The following CIPC variants were observed in gnomAD, a reference collection of about 807,000 sequenced individuals.
CIPC encodes CLOCK-interacting pacemaker.
CIPC carries 12 observed loss-of-function variants against 26.7 expected under a neutral mutation model. That is an observed-to-expected ratio of 0.45 (90% CI 0.29 to 0.73). CIPC has a LOEUF of 0.73. CIPC is among the 30% of genes least tolerant of loss of function. The pLI, the probability that CIPC is intolerant of heterozygous loss-of-function variation, is 0.12. For missense variants in CIPC, 417 were observed against 486.5 expected (o/e 0.86, Z 1.34); for synonymous variants, 170 against 189.8 (o/e 0.90, Z 0.86).
Position 77,116,988 on chromosome 14 carries a change from A to T in CIPC, c.*2670A>T, listed in dbSNP as rs930035801. The T allele has an allele frequency of 1.3e-5, 2 of 152,174 alleles. No homozygotes were observed. The highest frequency in any genetic ancestry group is 1.5e-5 in the Non-Finnish European group (1 of 68,038). 9.4% of individuals were successfully genotyped at this position (152,174 alleles called of 1,614,324 possible). On this transcript the variant is annotated 3_prime_UTR_variant, in exon 4 of 4. Transcript: ENST00000361786. ...TGGCAGATTTTGTTGGCATTATTGA[A>T]ATATATATAGAAAAGTTGCTGATTG...
intron 2 of CIPC, among the ~76,000 whole-genome samples, chr14:77,108,904 A>C (rs1042204188): frequency 2.0e-5 from 3 of 152,156 alleles, no homozygotes; most frequent in Admixed American, 2.0e-4. Context: ...AGTCCCCTCA[A>C]GATAGCTCTT....
rs1886786490 is a variant in CIPC, at chr14:77,115,158, G to A, written c.*840G>A. ...TTTTTCTCTCTTCTTTTGAAACAGT[G>A]TAACCTGTTTTATGTCTAAAAATCT... On this transcript the variant is annotated 3_prime_UTR_variant, in exon 4 of 4. Transcript: ENST00000361786. 1 of 151,528 alleles carries A rather than the reference G, an allele frequency of 6.6e-6. No individual in the cohort carries two copies. The highest frequency in any genetic ancestry group is 2.1e-4 in the South Asian group (1 of 4,814). The allele number at this position is 151,528 out of a possible 1,614,324, so 9.4% of individuals were successfully genotyped here.
intron 2 of CIPC, among the ~76,000 whole-genome samples, chr14:77,106,376 C>G (rs886598974): frequency 7.9e-5 from 12 of 152,214 alleles, no homozygotes; most frequent in Non-Finnish European, 1.6e-4. Context: ...GCCACCTGGC[C>G]TAGCTCTAAA....
rs890122115 is a variant in CIPC, at chr14:77,113,752, C to T, written c.634C>T (p.Pro212Ser). ...CAAGGCTGGTGCTGTCCCATCCAGT[C>T]CCTCGACGCCAGCACCACCCAGCGC... is the stretch of plus-strand genomic sequence containing the variant. ...PTKAGAVPSS[P>S]STPAPPSAKL... is the part of the protein sequence containing the mutation. Residue 212 changes from proline (P) to serine (S), a missense_variant, in exon 4 of 4, where the codon CCC becomes TCC. Pro to Ser is a moderately conservative substitution (Grantham distance 74). Transcript: ENST00000361786. 2 of 1,612,722 alleles carry T rather than the reference C, an allele frequency of 1.2e-6. No homozygotes were observed. Among genetic ancestry groups the T allele is most frequent in the Non-Finnish European group, 1.7e-6 (2 of 1,179,044 alleles).
At position 77,115,875 on chromosome 14, in the gene CIPC, G is replaced by T. The variant is rs972458161; in HGVS notation, c.*1557G>T. The T allele has an allele frequency of 1.3e-5, 2 of 152,034 alleles. No homozygotes were observed. The highest frequency in any genetic ancestry group is 2.9e-5 in the Non-Finnish European group (2 of 68,022). 9.4% of individuals were successfully genotyped at this position (152,034 alleles called of 1,614,324 possible). On this transcript the variant is annotated 3_prime_UTR_variant, in exon 4 of 4. Coordinates refer to ENST00000361786, the MANE Select transcript of CIPC (RefSeq NM_033426.3). ...TAATTTTTGTATTTTTAGTAGAAAT[G>T]GGGTTTTACCGTGTTGGCCAGGCTG... is the stretch of plus-strand genomic sequence containing the variant.
rs756821556 is a variant in CIPC, at chr14:77,099,673, C to G, written c.-53+1312C>G. Among the ~76,000 whole-genome samples the G allele has an allele frequency of 1.1e-3, 164 of 152,278 alleles. 2 individuals carry two copies. Among genetic ancestry groups the G allele is most frequent in the Admixed American group, 1.1e-3 (17 of 15,296 alleles). ...CACATTTTAAAGGGAACTTGAGCTT[C>G]CAGGAATGTTGCCAAGTGTCTATAA... On this transcript the variant is annotated intron_variant, in intron 1 of 3. Transcript: ENST00000361786.
At chr14:77,104,896 A>G (rs566491786) in intron 1 of CIPC, among the ~76,000 whole-genome samples, 2 of 152,358 alleles carry the variant, frequency 1.3e-5, no homozygotes, top group South Asian at 4.1e-4. Context: ...TTACAATGGC[A>G]TTTGATAAAT....
chr14:77,102,126 T>C (rs1886500873), intron 1 of CIPC, among the ~76,000 whole-genome samples: 1 of 152,072 alleles, frequency 6.6e-6, no homozygotes, highest in Non-Finnish European at 1.5e-5. Flanking sequence ...TATGATCTAA[T>C]AGTAATGGAC....
chr14:77,105,991 C>A, intron 2 of CIPC, 147 bp downstream of exon 2: 2 of 862,770 alleles, frequency 2.3e-6, no homozygotes, highest in Non-Finnish European at 3.4e-6. Flanking sequence ...AATTCTGATG[C>A]CATATGTCAG....
At chr14:77,099,763 A>G (rs1462377713) in intron 1 of CIPC, 2 of 152,226 alleles carry the variant, frequency 1.3e-5, no homozygotes, top group South Asian at 2.1e-4. Flanking sequence ...CTTTTTAATC[A>G]TAAGGACAAA....
At position 77,114,600 on chromosome 14, in the gene CIPC, G is replaced by A; in HGVS notation, c.*282G>A. On this transcript the variant is annotated 3_prime_UTR_variant, in exon 4 of 4. Transcript: ENST00000361786. The stretch of plus-strand genomic sequence containing the variant: ...TTCAATGGATCATGGGGCAAAGCAG[G>A]AGATGATTGTGTGGGGCTCTTCCTG... 1 of 354,980 alleles carries A rather than the reference G, an allele frequency of 2.8e-6. No homozygotes were observed. Among genetic ancestry groups the A allele is most frequent in the Non-Finnish European group, 5.2e-6 (1 of 193,468 alleles). The allele number at this position is 354,980 out of a possible 1,614,324, so 22.0% of individuals were successfully genotyped here. A position where few individuals can be genotyped will look rare whatever the true frequency, so the allele number is the denominator to read the frequency against.
At position 77,114,495 on chromosome 14, in the gene CIPC, C is replaced by G; in HGVS notation, c.*177C>G. 1 of 656,056 alleles carries G rather than the reference C, an allele frequency of 1.5e-6. No homozygotes were observed. 40.6% of individuals were successfully genotyped at this position (656,056 alleles called of 1,614,324 possible). A position where few individuals can be genotyped will look rare whatever the true frequency, so the allele number is the denominator to read the frequency against. On this transcript the variant is annotated 3_prime_UTR_variant, in exon 4 of 4. Transcript: ENST00000361786. Reference sequence around the variant, plus strand: ...GCTGTCTTAACTCGTAGTCTGGGCACAGGATACATATGTCCCCGTCCCACT... The same window carrying G: ...GCTGTCTTAACTCGTAGTCTGGGCAGAGGATACATATGTCCCCGTCCCACT...
In CIPC at chr14:77,115,230, G is replaced by A. The variant is rs1209132120; in HGVS notation, c.*912G>A. 2 of 130,644 alleles carry A rather than the reference G, an allele frequency of 1.5e-5. No individual in the cohort carries two copies. The highest frequency in any genetic ancestry group is 3.8e-3 in the Middle Eastern group (1 of 260). 8.1% of individuals were successfully genotyped at this position (130,644 alleles called of 1,614,324 possible). A position where few individuals can be genotyped will look rare whatever the true frequency, so the allele number is the denominator to read the frequency against. Reference sequence around the variant, plus strand: ...CTGGGATGTAGTATAAGTTAACTCTGCTGCCATCTTGTTTTTTTTTTTTTT... The same window carrying A: ...CTGGGATGTAGTATAAGTTAACTCTACTGCCATCTTGTTTTTTTTTTTTTT... On this transcript the variant is annotated 3_prime_UTR_variant, in exon 4 of 4. Coordinates refer to ENST00000361786, the MANE Select transcript of CIPC (RefSeq NM_033426.3).
At chr14:77,101,059 T>G (rs1175246539) in intron 1 of CIPC, among the ~76,000 whole-genome samples, 1 of 152,222 alleles carries the variant, frequency 6.6e-6, no homozygotes, top group Non-Finnish European at 1.5e-5. Context: ...TTCCAGTCTA[T>G]GCCAGGAAGC....
At chr14:77,098,818 G>A (rs1886414699) in intron 1 of CIPC, 1 of 140,168 alleles carries the variant, frequency 7.1e-6, no homozygotes, top group Non-Finnish European at 1.6e-5. Context: ...CAGGGCACAG[G>A]TGTGCTGCCT....
chr14:77,107,475 T>G (rs1886611690), intron 2 of CIPC, among the ~76,000 whole-genome samples: 1 of 152,202 alleles, frequency 6.6e-6, no homozygotes, highest in Non-Finnish European at 1.5e-5. Flanking sequence ...CCAGTTACCT[T>G]GGAGTAGGAT....
At chr14:77,106,320 A>G (rs867682645) in intron 2 of CIPC, among the ~76,000 whole-genome samples, 1 of 152,182 alleles carries the variant, frequency 6.6e-6, no homozygotes, top group African/African-American at 2.4e-5. Flanking sequence ...TACGCCTCCA[A>G]CAACCCCTCC....
chr14:77,100,227 A>ACTTT (rs1259564554), intron 1 of CIPC, among the ~76,000 whole-genome samples: 25 of 142,942 alleles, frequency 1.7e-4, no homozygotes, highest in African/African-American at 5.9e-4. Flanking sequence ...TTATTGATTC[A>ACTTT]CTTTCTTTCT....
At chr14:77,105,333 C>G (rs1425954158) in intron 1 of CIPC, among the ~76,000 whole-genome samples, 4 of 152,340 alleles carry the variant, frequency 2.6e-5, no homozygotes, top group South Asian at 2.1e-4. Context: ...TGTCCCCTCT[C>G]CCCTCTGGTG....
Sources: allele counts gnomAD v4.1 joint callset (sites outside exome capture counted in the v4.1 genomes callset), GRCh38; gene constraint gnomAD v4.1.1; transcripts MANE v1.5; gene names NCBI Gene and HGNC (gene_info 2026-07-23, HGNC 2026-07-21).